Variants in INO80 observed in about 807,000 individuals in gnomAD.
INO80 encodes the protein chromatin-remodeling ATPase INO80.
A neutral mutation model predicts 203.4 loss-of-function variants in INO80; 20 were observed. That is an observed-to-expected ratio of 0.10 (90% CI 0.07 to 0.14). The LOEUF is 0.14. INO80 is among the 10% of genes least tolerant of loss of function. The pLI is 1.00. For missense variants in INO80, 1,419 were observed against 1,914.4 expected (o/e 0.74, Z 4.83); for synonymous variants, 726 against 685.2 (o/e 1.06, Z -0.93).
intron 1 of INO80, among the ~76,000 whole-genome samples, chr15:41,099,377 T>G (rs1316739119): frequency 4.7e-5 from 7 of 149,396 alleles, no homozygotes; most frequent in African/African-American, 1.7e-4. Context: ...ATTCTGTAAA[T>G]CTACCAAAAA....
intron 32 of INO80, among the ~76,000 whole-genome samples, chr15:40,985,057 G>C (rs1893969200): frequency 6.6e-6 from 1 of 152,146 alleles, no homozygotes; most frequent in Non-Finnish European, 1.5e-5. Flanking sequence ...GCCCATCTTA[G>C]TCACATTTTA....
chr15:40,979,027 C>T lies in INO80; in HGVS notation c.*1196G>A, dbSNP rs1893706545. ...AAAAGGCTTGGCATTTTTCTGATTC[C>T]CTCTAAATAGCATCTGTACACAGGA... is the stretch of plus-strand genomic sequence containing the variant. On this transcript the variant is annotated 3_prime_UTR_variant, in exon 36 of 36. Coordinates refer to ENST00000648947, the MANE Select transcript of INO80 (RefSeq NM_017553.3). 1.3e-5 allele frequency: 2 copies of T among 152,448 alleles called. No individual in the cohort carries two copies. The highest frequency in any genetic ancestry group is 2.1e-4 in the South Asian group (1 of 4,824). 9.4% of individuals were successfully genotyped at this position (152,448 alleles called of 1,614,324 possible). A position where few individuals can be genotyped will look rare whatever the true frequency, so the allele number is the denominator to read the frequency against.
chr15:41,072,590 G>C (rs909505684), intron 11 of INO80, among the ~76,000 whole-genome samples: 1 of 140,484 alleles, frequency 7.1e-6, no homozygotes, highest in Non-Finnish European at 1.5e-5. Context: ...GTGGTGGTGC[G>C]CACCTGTAGT....
intron 22 of INO80, among the ~76,000 whole-genome samples, chr15:41,047,806 G>C (rs903945749): frequency 1.3e-5 from 2 of 152,144 alleles, no homozygotes; most frequent in African/African-American, 4.8e-5. Context: ...AAAAGAAAAG[G>C]ACAGGACAGA....
At chr15:41,014,487 G>A (rs2044175389) in intron 27 of INO80, among the ~76,000 whole-genome samples, 1 of 151,968 alleles carries the variant, frequency 6.6e-6, no homozygotes, top group Non-Finnish European at 1.5e-5. Context: ...CTTTTATTTT[G>A]GATTACTACT....
intron 24 of INO80, among the ~76,000 whole-genome samples, chr15:41,028,293 A>G (rs1348638582): frequency 5.3e-5 from 8 of 152,062 alleles, no homozygotes; most frequent in African/African-American, 1.9e-4. Context: ...GCACCACCAC[A>G]CCTGGCAAAT....
In INO80 at chr15:41,073,512, A is replaced by T; in HGVS notation, c.1328-17T>A. The T allele has an allele frequency of 6.3e-7, 1 of 1,592,792 alleles. No individual in the cohort carries two copies. On this transcript the variant is annotated splice_polypyrimidine_tract_variant and intron_variant, in intron 10 of 35. Transcript: ENST00000648947. ...GGTTACTATCTGAAAAGCAAAATTT[A>T]TGGATTATCACACTTTATCAACTGA... is the stretch of plus-strand genomic sequence containing the variant.
intron 1 of INO80, among the ~76,000 whole-genome samples, chr15:41,113,416 GCCACCACGC>G (rs1243884217): frequency 1.3e-5 from 2 of 151,920 alleles, no homozygotes; most frequent in Non-Finnish European, 2.9e-5. Context: ...ACAGGTGCGC[GCCACCACGC>G]CCAGCTAATT....
At chr15:41,015,424 C>T (rs1010985961) in intron 27 of INO80, among the ~76,000 whole-genome samples, 4 of 152,094 alleles carry the variant, frequency 2.6e-5, no homozygotes, top group Non-Finnish European at 4.4e-5. Flanking sequence ...CTGTTCTCTG[C>T]TTTTTTACGC....
chr15:41,046,206 C>CATATATATAT (rs1160486459), intron 23 of INO80, among the ~76,000 whole-genome samples: 2 of 14,414 alleles, frequency 1.4e-4, no homozygotes, highest in African/African-American at 2.3e-4. Context: ...CGTATACATA[C>CATATATATAT]ATATATATAT....
At chr15:41,059,479 G>T (rs1320774020) in intron 15 of INO80, among the ~76,000 whole-genome samples, 1 of 150,176 alleles carries the variant, frequency 6.7e-6, no homozygotes, top group African/African-American at 2.4e-5. Context: ...ACAAAAATTA[G>T]CCGGGCATGG....
intron 25 of INO80, 90 bp downstream of exon 25, chr15:41,027,506 A>G: frequency 1.7e-6 from 2 of 1,162,314 alleles, no homozygotes; most frequent in Non-Finnish European, 2.4e-6. Flanking sequence ...AATAGTTTAA[A>G]ACAATTCTGT....
chr15:41,105,541 G>T (rs1315086774), intron 1 of INO80, among the ~76,000 whole-genome samples: 2 of 152,112 alleles, frequency 1.3e-5, no homozygotes, highest in Admixed American at 6.6e-5. Context: ...TGGAATCCAA[G>T]AAGTGTGACT....
At chr15:41,060,721 T>C (rs1399586976) in intron 14 of INO80, among the ~76,000 whole-genome samples, 1 of 152,124 alleles carries the variant, frequency 6.6e-6, no homozygotes, top group East Asian at 1.9e-4. Flanking sequence ...CTTCCCTGAA[T>C]AGGTACCGAC....
rs768944998 is a variant in INO80 at position 40,987,199 on chromosome 15, C to A, written c.3730-6G>T. ...GAAATCACCATCCGCTGAATCTACA[C>A]CAAAGCAGATCAAAATGTCACCTCC... On this transcript the variant is annotated splice_polypyrimidine_tract_variant and splice_region_variant and intron_variant, in intron 30 of 35. Transcript: ENST00000648947. The A allele has an allele frequency of 6.4e-7, 1 of 1,569,880 alleles. No individual in the cohort carries two copies. Among genetic ancestry groups the A allele is most frequent in the Non-Finnish European group, 8.8e-7 (1 of 1,140,048 alleles).
chr15:41,049,525 T>C lies in INO80; in HGVS notation c.2443-105A>G, dbSNP rs1028487205. On this transcript the variant is annotated intron_variant, in intron 20 of 35. Transcript: ENST00000648947. Reference sequence around the variant, plus strand: ...TGTTTACCTTTGGGAATGGATACTTTCCCATTTTCATCTCATTAATAGCCT... The same window carrying C: ...TGTTTACCTTTGGGAATGGATACTTCCCCATTTTCATCTCATTAATAGCCT... 10 of 1,051,648 alleles carry C rather than the reference T, an allele frequency of 9.5e-6. No homozygotes were observed. In the African/African-American group the frequency reaches 1.3e-4, roughly 13 times the overall value. 65.1% of individuals were successfully genotyped at this position (1,051,648 alleles called of 1,614,324 possible). A position where few individuals can be genotyped will look rare whatever the true frequency, so the allele number is the denominator to read the frequency against.
intron 27 of INO80, among the ~76,000 whole-genome samples, chr15:41,014,246 T>C (rs1003222769): frequency 2.6e-5 from 4 of 152,200 alleles, no homozygotes; most frequent in African/African-American, 9.7e-5. Context: ...TGTAAGACTA[T>C]AGTCTTGGAA....
At chr15:40,994,721 G>C (rs1328086253) in intron 29 of INO80, among the ~76,000 whole-genome samples, 1 of 152,052 alleles carries the variant, frequency 6.6e-6, no homozygotes. Context: ...CCTGCCACTG[G>C]AAATGTAATT....
intron 14 of INO80, among the ~76,000 whole-genome samples, chr15:41,063,208 G>A (rs1267133806): frequency 6.6e-6 from 1 of 151,676 alleles, no homozygotes; most frequent in Non-Finnish European, 1.5e-5. Context: ...GTGGTGGTAG[G>A]TGCCTGTTAT....
Sources: allele counts gnomAD v4.1 joint callset (sites outside exome capture counted in the v4.1 genomes callset), GRCh38; gene constraint gnomAD v4.1.1; transcripts MANE v1.5; gene names NCBI Gene and HGNC (gene_info 2026-07-23, HGNC 2026-07-21).